ZNF521: variants seen among roughly 807,000 people sequenced by gnomAD.
The protein encoded by ZNF521 is zinc finger protein 521, also known as LYST-interacting protein 3.
ZNF521 carries 14 observed loss-of-function variants against 105.5 expected under a neutral mutation model. That is an observed-to-expected ratio of 0.13 (90% confidence interval 0.09 to 0.21). ZNF521 has a LOEUF of 0.21. Among genes scored for constraint, ZNF521 ranks in the 10% least tolerant of loss-of-function variants. The pLI is 1.00. For synonymous variants in ZNF521, 635 were observed against 606.0 expected (o/e 1.05, Z -0.70); for missense variants, 1,233 against 1,629.7 (o/e 0.76, Z 4.19).
At chr18:25,336,058 G>A (rs1377598722) in intron 2 of ZNF521, among the ~76,000 whole-genome samples, 2 of 152,296 alleles carry the variant, frequency 1.3e-5, no homozygotes, top group Admixed American at 1.3e-4. Context: ...GGAAAACAAT[G>A]TCAATCTGCC....
In ZNF521 at chr18:25,134,644, G is replaced by A. The variant is rs112930514; in HGVS notation, c.3659-42563C>T. Reference sequence around the variant, plus strand: ...ACTCCAAAACAATTTTTATTGCAGCGGTTGCAGCTTTTCACTCCATCCCAA... The same window carrying A: ...ACTCCAAAACAATTTTTATTGCAGCAGTTGCAGCTTTTCACTCCATCCCAA... On this transcript the variant is annotated intron_variant, in intron 5 of 7. Coordinates refer to ENST00000361524, the MANE Select transcript of ZNF521 (RefSeq NM_015461.3). Among the ~76,000 whole-genome samples, 11 of 152,112 alleles carry A rather than the reference G, an allele frequency of 7.2e-5. 1 individual carries two copies. The highest frequency in any genetic ancestry group is 1.9e-4 in the African/African-American group (8 of 41,514).
chr18:25,338,259 T>C (rs919677119), intron 2 of ZNF521, among the ~76,000 whole-genome samples: 1 of 136,510 alleles, frequency 7.3e-6, no homozygotes, highest in Admixed American at 7.6e-5. Flanking sequence ...TCATAGACTT[T>C]TGTGTGTGTG....
intron 3 of ZNF521, among the ~76,000 whole-genome samples, chr18:25,233,418 C>A (rs1288785967): frequency 6.6e-6 from 1 of 151,820 alleles, no homozygotes; most frequent in African/African-American, 2.4e-5. Context: ...AAAACGAATA[C>A]CCTTTACTGG....
intron 3 of ZNF521, among the ~76,000 whole-genome samples, chr18:25,316,257 C>T (rs530782772): frequency 1.1e-3 from 159 of 142,626 alleles, no homozygotes; most frequent in African/African-American, 4.1e-3. Flanking sequence ...GAGAAAGGAC[C>T]GGAATGAGAG....
intron 3 of ZNF521, among the ~76,000 whole-genome samples, chr18:25,236,554 A>T (rs191903009): frequency 9.4e-4 from 143 of 152,192 alleles, no homozygotes; most frequent in Middle Eastern, 3.4e-3. Context: ...AAAAAAAATT[A>T]AAAAGGCATT....
At chr18:25,098,534 A>G (rs2033900566) in intron 5 of ZNF521, among the ~76,000 whole-genome samples, 1 of 152,194 alleles carries the variant, frequency 6.6e-6, no homozygotes, top group East Asian at 1.9e-4. Context: ...CCAAGAAAAA[A>G]ATTGTTAGCC....
chr18:25,346,672 G>A (rs960602459), intron 2 of ZNF521, among the ~76,000 whole-genome samples: 5 of 152,134 alleles, frequency 3.3e-5, no homozygotes, highest in African/African-American at 1.2e-4. Flanking sequence ...AGGTAAATGG[G>A]GGAAAGGTCA....
intron 5 of ZNF521, among the ~76,000 whole-genome samples, chr18:25,114,928 T>C (rs2034273332): frequency 6.6e-6 from 1 of 152,242 alleles, no homozygotes; most frequent in African/African-American, 2.4e-5. Context: ...ACGTAGTTTA[T>C]TGTTCTTTGC....
At chr18:25,318,299 C>T (rs1912750576) in intron 3 of ZNF521, among the ~76,000 whole-genome samples, 1 of 152,068 alleles carries the variant, frequency 6.6e-6, no homozygotes, top group Admixed American at 6.5e-5. Flanking sequence ...AGCTCAAAAA[C>T]TGGTTACTTC....
chr18:25,082,837 GTC>G (rs2033529155), intron 7 of ZNF521: 1 of 49,248 alleles, frequency 2.0e-5, no homozygotes. Context: ...GCAAGACTCC[GTC>G]TCAAAAAAAA....
chr18:25,138,246 G>A (rs1453663996), intron 5 of ZNF521, among the ~76,000 whole-genome samples: 1 of 152,208 alleles, frequency 6.6e-6, no homozygotes, highest in Non-Finnish European at 1.5e-5. Flanking sequence ...CTCAGCATCT[G>A]AAAACAGAGG....
At chr18:25,207,816 G>A (rs927799310) in intron 4 of ZNF521, among the ~76,000 whole-genome samples, 1 of 152,164 alleles carries the variant, frequency 6.6e-6, no homozygotes, top group African/African-American at 2.4e-5. Context: ...CTGCAGCACT[G>A]AAAAAGTTCT....
At chr18:25,154,106 A>G (rs1345378081) in intron 5 of ZNF521, among the ~76,000 whole-genome samples, 1 of 152,200 alleles carries the variant, frequency 6.6e-6, no homozygotes, top group Non-Finnish European at 1.5e-5. Flanking sequence ...AGTCAATTCC[A>G]TTAGTAAAAT....
At chr18:25,303,307 TGTGAGAGAGA>T (rs1245953539) in intron 3 of ZNF521, among the ~76,000 whole-genome samples, 97 of 107,986 alleles carry the variant, frequency 9.0e-4, no homozygotes, top group African/African-American at 4.2e-3. Flanking sequence ...TGTGTGTGTG[TGTGAGAGAGA>T]GACGGAGTCT....
At chr18:25,326,488 A>T (rs917255103) in intron 2 of ZNF521, among the ~76,000 whole-genome samples, 16 of 152,338 alleles carry the variant, frequency 1.1e-4, no homozygotes, top group African/African-American at 3.8e-4. Context: ...ATCGCAAAAC[A>T]ACTGCCTCAT....
At chr18:25,273,033 C>T (rs1048914352) in intron 3 of ZNF521, among the ~76,000 whole-genome samples, 13 of 151,272 alleles carry the variant, frequency 8.6e-5, no homozygotes, top group African/African-American at 2.9e-4. Context: ...TCAAGACCAG[C>T]CTGGGCAACA....
At chr18:25,283,436 G>C (rs1194184519) in intron 3 of ZNF521, among the ~76,000 whole-genome samples, 1 of 152,158 alleles carries the variant, frequency 6.6e-6, no homozygotes, top group Middle Eastern at 3.2e-3. Flanking sequence ...AAAAGCTGAG[G>C]TCGGTCTCCA....
chr18:25,326,816 A>G (rs1384046611), intron 2 of ZNF521, among the ~76,000 whole-genome samples: 1 of 152,232 alleles, frequency 6.6e-6, no homozygotes, highest in African/African-American at 2.4e-5. Flanking sequence ...AAGACTGGCA[A>G]GAGATGAATG....
intron 3 of ZNF521, among the ~76,000 whole-genome samples, chr18:25,269,055 C>T (rs1413113952): frequency 2.9e-5 from 4 of 137,684 alleles, no homozygotes; most frequent in Admixed American, 7.6e-5. Flanking sequence ...CAAAGACATA[C>T]ATAGGCTCAA....
Sources: allele counts gnomAD v4.1 joint callset (sites outside exome capture counted in the v4.1 genomes callset), GRCh38; gene constraint gnomAD v4.1.1; transcripts MANE v1.5; gene names NCBI Gene and HGNC (gene_info 2026-07-23, HGNC 2026-07-21).